ZNF215: variants seen among roughly 807,000 people sequenced by gnomAD.
ZNF215 encodes the protein BWSCR2-associated zinc finger protein 2.
Under a neutral mutation model 27.2 loss-of-function variants are expected in ZNF215, and 24 were observed. The ratio of observed to expected loss-of-function variants is 0.88; its 90% CI spans 0.64 to 1.24. ZNF215 has a LOEUF of 1.24. Among genes scored for constraint, ZNF215 ranks in the 50% most tolerant of loss-of-function variants. The probability of loss-of-function intolerance (pLI) is 0.00; values close to 1 mark genes in which losing one functional copy is unlikely to be tolerated. For synonymous variants in ZNF215, 210 were observed against 204.0 expected, an observed-to-expected ratio of 1.03 and a Z score of -0.25; for missense variants, 675 against 605.7, an observed-to-expected ratio of 1.11 and a Z score of -1.20.
At chr11:6,937,970 A>T (rs1849496678) in intron 3 of ZNF215, among the ~76,000 whole-genome samples, 2 of 152,148 alleles carry the variant, frequency 1.3e-5, no homozygotes, top group South Asian at 4.1e-4. Flanking sequence ...CACCAAAGAT[A>T]CAAGCAACAA....
At chr11:6,968,113 C>G (rs902818445) in intron 5 of ZNF215, among the ~76,000 whole-genome samples, 2 of 152,140 alleles carry the variant, frequency 1.3e-5, no homozygotes, top group Non-Finnish European at 2.9e-5. Context: ...GGTGATATTT[C>G]TGAGGTCTCT....
In ZNF215 at chr11:6,978,850, C is replaced by G. The variant is rs532180439; in HGVS notation, c.806-5279C>G. Among the ~76,000 whole-genome samples, 58 of 152,040 alleles carry G rather than the reference C, an allele frequency of 3.8e-4. No individual in the cohort carries two copies. The South Asian group carries it at 5.4e-3, about 14-fold the overall frequency. On this transcript the variant is annotated intron_variant, in intron 5 of 5. Transcript: ENST00000529903. ...TGGAAATGTGGTTAATATAATCCAC[C>G]TATATACTTAATTTTAAAACATTAA...
intron 6 of ZNF215, among the ~76,000 whole-genome samples, chr11:6,950,961 C>A (rs1437542477): frequency 2.0e-5 from 3 of 151,618 alleles, no homozygotes; most frequent in South Asian, 2.1e-4. Context: ...GAATTTTGTC[C>A]AAGGCCTTTT....
chr11:6,992,788 T>C (rs1417665656), downstream of ZNF215, among the ~76,000 whole-genome samples: 2 of 151,666 alleles, frequency 1.3e-5, no homozygotes, highest in Admixed American at 1.3e-4. Flanking sequence ...GTTAAGATTC[T>C]GGCTAGTCAC....
At chr11:6,938,538 T>G (rs999337117) in intron 3 of ZNF215, among the ~76,000 whole-genome samples, 6 of 151,944 alleles carry the variant, frequency 3.9e-5, no homozygotes, top group Non-Finnish European at 7.4e-5. Flanking sequence ...ATGAATAAAC[T>G]TTGCTATATA....
chr11:6,967,345 G>A (rs555017059), intron 5 of ZNF215, among the ~76,000 whole-genome samples: 2 of 152,112 alleles, frequency 1.3e-5, no homozygotes, highest in South Asian at 2.1e-4. Flanking sequence ...CTGGTCAAAT[G>A]GTATTTCTGG....
At chr11:6,958,123 C>T (rs554069398), downstream of ZNF215, 13 of 950,286 alleles carry the variant, frequency 1.4e-5, no homozygotes, top group East Asian at 3.5e-4. Context: ...TATAGAAATT[C>T]GTATAAACAA....
At chr11:6,946,812 C>G (rs1432398269) in intron 6 of ZNF215, among the ~76,000 whole-genome samples, 1 of 152,114 alleles carries the variant, frequency 6.6e-6, no homozygotes, top group African/African-American at 2.4e-5. Context: ...TCTTTTTACC[C>G]TACCTGTACA....
chr11:6,969,050 C>A (rs559115401), intron 5 of ZNF215, among the ~76,000 whole-genome samples: 16 of 152,146 alleles, frequency 1.1e-4, no homozygotes, highest in Non-Finnish European at 2.2e-4. Context: ...ATTATTATGC[C>A]ATGTGCTGAT....
At chr11:6,939,845 A>G (rs1428769692) in intron 3 of ZNF215, among the ~76,000 whole-genome samples, 4 of 152,176 alleles carry the variant, frequency 2.6e-5, no homozygotes. Flanking sequence ...CAAGAATGTC[A>G]AGAACAAGGA....
chr11:6,981,059 A>G (rs1322918908), intron 5 of ZNF215, among the ~76,000 whole-genome samples: 3 of 151,800 alleles, frequency 2.0e-5, no homozygotes, highest in East Asian at 1.9e-4. Context: ...GAATAGTGCC[A>G]CAATAAACAT....
rs1027373284 is a variant in ZNF215, at chr11:6,926,533, A to C, written c.-478A>C. 3 of 152,272 alleles carry C rather than the reference A, an allele frequency of 2.0e-5. No homozygotes were observed. Among genetic ancestry groups the C allele is most frequent in the African/African-American group, 4.8e-5 (2 of 41,444 alleles). 9.4% of individuals were successfully genotyped at this position (152,272 alleles called of 1,614,324 possible). A position where few individuals can be genotyped will look rare whatever the true frequency, so the allele number is the denominator to read the frequency against. On this transcript the variant is annotated 5_prime_UTR_variant, in exon 1 of 7. Coordinates refer to ENST00000278319, the MANE Select transcript of ZNF215 (RefSeq NM_013250.4). ...GGTGCGCGTGCGCAAGAGTGCGTCG[A>C]GGTTGTTCCGCGGCAATTTATGAAA...
chr11:6,981,672 G>T (rs1850955803), intron 5 of ZNF215, among the ~76,000 whole-genome samples: 1 of 152,098 alleles, frequency 6.6e-6, no homozygotes, highest in Non-Finnish European at 1.5e-5. Context: ...TTTTAGACAT[G>T]AAGTCCTTGC....
intron 6 of ZNF215, 53 bp downstream of exon 6, chr11:6,943,694 A>G: frequency 1.5e-6 from 2 of 1,368,878 alleles, no homozygotes; most frequent in South Asian, 1.2e-5. Context: ...TTTCCTAAAC[A>G]TACAGACAAT....
rs967274039 is a variant in ZNF215, at chr11:6,932,102, G to T, written c.-171G>T. ...TTTCTATCTTTTTTCAGTTGCTCAGGTACCTGAATATTGGCTTTGTGTCTA... is the reference window on the plus strand; with the variant it reads ...TTTCTATCTTTTTTCAGTTGCTCAGTTACCTGAATATTGGCTTTGTGTCTA... On this transcript the variant is annotated 5_prime_UTR_variant, in exon 3 of 7. Coordinates refer to ENST00000278319, the MANE Select transcript of ZNF215 (RefSeq NM_013250.4). 15 of 683,544 alleles carry T rather than the reference G, an allele frequency of 2.2e-5. No individual in the cohort carries two copies. In the African/African-American group the frequency reaches 2.5e-4, roughly 11 times the overall value. 42.3% of individuals were successfully genotyped at this position (683,544 alleles called of 1,614,324 possible). A position where few individuals can be genotyped will look rare whatever the true frequency, so the allele number is the denominator to read the frequency against.
At chr11:6,931,489 T>C (rs1459333097) in intron 2 of ZNF215, among the ~76,000 whole-genome samples, 2 of 152,236 alleles carry the variant, frequency 1.3e-5, no homozygotes, top group Non-Finnish European at 2.9e-5. Flanking sequence ...CAAGTCTAAA[T>C]GTTCAGTTGC....
chr11:6,989,150 C>CAAAAA (rs71056776), downstream of ZNF215, among the ~76,000 whole-genome samples: 10 of 76,754 alleles, frequency 1.3e-4, 1 homozygote, highest in East Asian at 4.9e-4. Flanking sequence ...AGATCCGTCT[C>CAAAAA]AAAAAAAAAA....
intron 5 of ZNF215, among the ~76,000 whole-genome samples, chr11:6,973,466 T>C (rs1055849510): frequency 3.9e-5 from 6 of 152,242 alleles, no homozygotes; most frequent in East Asian, 1.9e-4. Flanking sequence ...CCTGAGGAAT[T>C]GCCACACTGT....
chr11:6,934,558 C>T (rs944875481), intron 3 of ZNF215, among the ~76,000 whole-genome samples: 3 of 152,164 alleles, frequency 2.0e-5, no homozygotes, highest in African/African-American at 7.2e-5. Flanking sequence ...CTTCCCCTGT[C>T]TTCAAAGCTA....
Sources: allele counts gnomAD v4.1 joint callset (sites outside exome capture counted in the v4.1 genomes callset), GRCh38; gene constraint gnomAD v4.1.1; transcripts MANE v1.5; gene names NCBI Gene and HGNC (gene_info 2026-07-23, HGNC 2026-07-21).